Variants in UHRF2 observed in about 807,000 individuals in gnomAD.
The protein encoded by UHRF2 is E3 ubiquitin-protein ligase UHRF2.
Under a neutral mutation model 96.8 loss-of-function variants are expected in UHRF2, and 23 were observed. The ratio of observed to expected loss-of-function variants is 0.24; its 90% CI spans 0.17 to 0.34. The LOEUF (loss-of-function observed/expected upper bound fraction) is 0.34. UHRF2 is among the 10% of genes least tolerant of loss of function. UHRF2 has a pLI of 1.00. For synonymous variants in UHRF2, 385 were observed against 332.6 expected, an observed-to-expected ratio of 1.16 and a Z score of -1.72; for missense variants, 685 against 981.5, an observed-to-expected ratio of 0.70 and a Z score of 4.04.
intron 4 of UHRF2, among the ~76,000 whole-genome samples, chr9:6,474,539 C>A (rs1482430067): frequency 6.6e-6 from 1 of 152,138 alleles, no homozygotes; most frequent in Admixed American, 6.5e-5. Context: ...AACCCTGTCT[C>A]TACTAAAAAT....
intron 1 of UHRF2, 65 bp from the exon 2 acceptor site, chr9:6,420,847 G>T: frequency 7.5e-7 from 1 of 1,335,650 alleles, no homozygotes; most frequent in Non-Finnish European, 1.1e-6. Flanking sequence ...GGACATTTGA[G>T]CAACTAAAAA....
At chr9:6,440,274 T>G (rs1456776890) in intron 3 of UHRF2, among the ~76,000 whole-genome samples, 2 of 152,204 alleles carry the variant, frequency 1.3e-5, no homozygotes, top group Non-Finnish European at 2.9e-5. Context: ...AATGTTGTCT[T>G]ATGTGCCGGA....
chr9:6,451,369 A>G (rs550187284), intron 3 of UHRF2, among the ~76,000 whole-genome samples: 1 of 152,294 alleles, frequency 6.6e-6, no homozygotes, highest in South Asian at 2.1e-4. Flanking sequence ...GACACATTAC[A>G]TAGTTCTGTA....
At chr9:6,474,101 T>C (rs1823417527) in intron 4 of UHRF2, among the ~76,000 whole-genome samples, 1 of 152,184 alleles carries the variant, frequency 6.6e-6, no homozygotes, top group South Asian at 2.1e-4. Flanking sequence ...GACATGAAGT[T>C]GTCATTGTGA....
chr9:6,488,847 C>A (rs1433052785), intron 9 of UHRF2, among the ~76,000 whole-genome samples: 1 of 151,040 alleles, frequency 6.6e-6, no homozygotes, highest in African/African-American at 2.4e-5. Context: ...GAGTCTCACT[C>A]TGTCTTCCAG....
intron 10 of UHRF2, chr9:6,496,632 A>G (rs1033673654): frequency 6.6e-6 from 1 of 152,216 alleles, no homozygotes; most frequent in Non-Finnish European, 1.5e-5. Context: ...ATTGAAATTT[A>G]TCTTTTTATG....
intron 4 of UHRF2, chr9:6,468,341 C>A (rs1451281448): frequency 4.7e-6 from 2 of 424,054 alleles, no homozygotes; most frequent in South Asian, 1.7e-5. Context: ...TGGAAAGCAC[C>A]TGTTTGCAGG....
At chr9:6,504,570 C>A in intron 14 of UHRF2, 23 bp from the exon 15 acceptor site, 1 of 1,576,812 alleles carries the variant, frequency 6.3e-7, no homozygotes, top group Non-Finnish European at 8.7e-7. Context: ...CTTTTCTTTC[C>A]TTATCCTTGG....
chr9:6,468,156 T>C (rs1266181924), intron 4 of UHRF2, among the ~76,000 whole-genome samples: 1 of 152,216 alleles, frequency 6.6e-6, no homozygotes, highest in African/African-American at 2.4e-5. Flanking sequence ...TTCAGTGAAA[T>C]AGGATATTTC....
chr9:6,429,550 C>G (rs568294436), intron 2 of UHRF2, among the ~76,000 whole-genome samples: 10 of 152,236 alleles, frequency 6.6e-5, no homozygotes, highest in African/African-American at 2.4e-4. Context: ...AGACTGGTCT[C>G]GAACTCCTGA....
Position 6,506,189 on chromosome 9 carries a change from T to C in UHRF2, c.*10T>C, listed in dbSNP as rs1229899494. The C allele has an allele frequency of 1.2e-6, 2 of 1,613,688 alleles. No individual in the cohort carries two copies. The highest frequency in any genetic ancestry group is 2.7e-5 in the African/African-American group (2 of 74,908). On this transcript the variant is annotated 3_prime_UTR_variant, in exon 16 of 16. Coordinates refer to ENST00000276893, the MANE Select transcript of UHRF2 (RefSeq NM_152896.3). ...CAGCAAAGGACGATGATCTGCCTGC[T>C]TTCACTGTGTTGTTCATGGTGGCTT...
At chr9:6,419,767 G>A (rs375870696) in intron 1 of UHRF2, among the ~76,000 whole-genome samples, 7 of 152,018 alleles carry the variant, frequency 4.6e-5, no homozygotes, top group Admixed American at 4.6e-4. Context: ...TTGAGACAGG[G>A]TCTCACTCTG....
chr9:6,468,943 T>C (rs1823048209), intron 4 of UHRF2, among the ~76,000 whole-genome samples: 1 of 152,214 alleles, frequency 6.6e-6, no homozygotes, highest in Non-Finnish European at 1.5e-5. Context: ...CTTTCCTTTA[T>C]ATAAGATAAT....
intron 7 of UHRF2, 31 bp downstream of exon 7, chr9:6,481,797 T>A: frequency 4.4e-6 from 7 of 1,598,232 alleles, no homozygotes; most frequent in Non-Finnish European, 6.0e-6. Flanking sequence ...TTCTTCCTAA[T>A]AGCAAGTTAT....
At chr9:6,475,887 A>G (rs911347364) in intron 5 of UHRF2, among the ~76,000 whole-genome samples, 1 of 152,168 alleles carries the variant, frequency 6.6e-6, no homozygotes, top group African/African-American at 2.4e-5. Context: ...TGTGTTGGGA[A>G]CATTCTAAAT....
At position 6,417,900 on chromosome 9, in the gene UHRF2, C is replaced by A. The variant is rs150229067; in HGVS notation, c.154-3012C>A. On this transcript the variant is annotated intron_variant, in intron 1 of 15. Coordinates refer to ENST00000276893, the MANE Select transcript of UHRF2 (RefSeq NM_152896.3). The stretch of plus-strand genomic sequence containing the variant: ...GAGCTGACTGTAGAAATACCCTCAA[C>A]GTCACTCTGACTCTGGTCCCTCAAA... Among the ~76,000 whole-genome samples, 1,045 of 152,276 alleles carry A rather than the reference C, an allele frequency of 6.9e-3. 8 individuals are homozygous for A. Among genetic ancestry groups the A allele is most frequent in the Non-Finnish European group, 0.011 (765 of 68,010 alleles).
chr9:6,488,844 ACT>A (rs1241460441), intron 9 of UHRF2, among the ~76,000 whole-genome samples: 1 of 148,706 alleles, frequency 6.7e-6, no homozygotes, highest in African/African-American at 2.5e-5. Context: ...ATAGAGTCTC[ACT>A]CTGTCTTCCA....
At chr9:6,499,257 C>G (rs997232981) in intron 12 of UHRF2, 2 of 151,094 alleles carry the variant, frequency 1.3e-5, no homozygotes, top group Admixed American at 6.6e-5. Flanking sequence ...CCCACCCACC[C>G]CCTCAAAGAA....
intron 14 of UHRF2, among the ~76,000 whole-genome samples, chr9:6,502,902 C>T (rs1006951064): frequency 3.3e-5 from 5 of 152,190 alleles, no homozygotes; most frequent in Non-Finnish European, 7.3e-5. Context: ...ATATATTTGA[C>T]TTTAATGATC....
Sources: gnomAD v4.1 joint callset for allele counts (sites outside exome capture counted in the v4.1 genomes callset) on GRCh38, gnomAD v4.1.1 for gene constraint, MANE v1.5 for transcripts, NCBI Gene and HGNC (gene_info 2026-07-23, HGNC 2026-07-21) for gene names.